Variants in ANKH observed in about 807,000 individuals in gnomAD.
The protein encoded by ANKH is ANKH inorganic pyrophosphate transport regulator.
ANKH carries 15 observed loss-of-function variants against 49.0 expected under a neutral mutation model. The ratio of observed to expected loss-of-function variants is 0.31; its 90% CI spans 0.20 to 0.47. The LOEUF (loss-of-function observed/expected upper bound fraction) is 0.47, where lower values mean the gene tolerates loss of function less well. Ranked by LOEUF, ANKH falls within the 20% of genes least tolerant of loss-of-function variation. The pLI is 1.00. For synonymous variants in ANKH, 273 were observed against 260.0 expected (o/e 1.05, Z -0.48); for missense variants, 429 against 652.0 (o/e 0.66, Z 3.72).
At chr5:14,864,582 A>G (rs1217162910) in intron 1 of ANKH, among the ~76,000 whole-genome samples, 1 of 152,202 alleles carries the variant, frequency 6.6e-6, no homozygotes, top group African/African-American at 2.4e-5. Flanking sequence ...CTCATTTTCT[A>G]TGTATGAATT....
At chr5:14,870,941 G>A (rs994959150) in intron 1 of ANKH, 71 of 358,952 alleles carry the variant, frequency 2.0e-4, no homozygotes, top group Non-Finnish European at 3.2e-4. Flanking sequence ...AAATCAACTT[G>A]GACGCATTAT....
chr5:14,751,945 CAAAG>C (rs1335054637), intron 4 of ANKH, among the ~76,000 whole-genome samples: 1 of 151,832 alleles, frequency 6.6e-6, no homozygotes, highest in Admixed American at 6.6e-5. Context: ...CTACATTTAA[CAAAG>C]AAAAAAACAG....
intron 1 of ANKH, among the ~76,000 whole-genome samples, chr5:14,832,090 C>T (rs192981256): frequency 9.1e-4 from 139 of 152,200 alleles, no homozygotes; most frequent in Admixed American, 2.6e-3. Context: ...TCCTGGCAGC[C>T]CCCTTCTAAG....
In ANKH at chr5:14,709,974, C is replaced by A. The variant is rs1162027915; in HGVS notation, c.*1223G>T. On this transcript the variant is annotated 3_prime_UTR_variant, in exon 12 of 12. Coordinates refer to ENST00000284268, the MANE Select transcript of ANKH (RefSeq NM_054027.6). Reference sequence around the variant, plus strand: ...ATTCTGACTAAATCAATTTAGTGAACCGTGTCTATAATTTTTTTAAAGGAA... The same window carrying A: ...ATTCTGACTAAATCAATTTAGTGAAACGTGTCTATAATTTTTTTAAAGGAA... The A allele has an allele frequency of 6.6e-6, 1 of 152,072 alleles. No homozygotes were observed. The highest frequency in any genetic ancestry group is 1.9e-4 in the East Asian group (1 of 5,188). The allele number at this position is 152,072 out of a possible 1,614,324, so 9.4% of individuals were successfully genotyped here. A position where few individuals can be genotyped will look rare whatever the true frequency, so the allele number is the denominator to read the frequency against.
chr5:14,860,604 G>C (rs1194679832), intron 1 of ANKH, among the ~76,000 whole-genome samples: 1 of 152,050 alleles, frequency 6.6e-6, no homozygotes, highest in Non-Finnish European at 1.5e-5. Context: ...TCGATCTCCA[G>C]GTGGTTCACG....
chr5:14,761,855 T>C lies in ANKH; in HGVS notation c.314-3257A>G, dbSNP rs570032257. Among the ~76,000 whole-genome samples, 3 of 151,002 alleles carry C rather than the reference T, an allele frequency of 2.0e-5. No individual in the cohort carries two copies. In the East Asian group the frequency reaches 5.9e-4, roughly 30 times the overall value. Reference sequence around the variant, plus strand: ...ATCTCAGCTCACTGCAACCTCCACCTCCTGGGTTCAAGCAATTCTCCTGTC... The same window carrying C: ...ATCTCAGCTCACTGCAACCTCCACCCCCTGGGTTCAAGCAATTCTCCTGTC... On this transcript the variant is annotated intron_variant, in intron 2 of 11. Transcript: ENST00000284268.
chr5:14,817,410 C>A (rs1741072427), intron 1 of ANKH, among the ~76,000 whole-genome samples: 1 of 152,076 alleles, frequency 6.6e-6, no homozygotes, highest in African/African-American at 2.4e-5. Context: ...AAACAAAAAT[C>A]CTGGTGAATT....
rs149220404 is a variant in ANKH at position 14,792,673 on chromosome 5, G to A, written c.97-23482C>T. On this transcript the variant is annotated intron_variant, in intron 1 of 11. Coordinates refer to ENST00000284268, the MANE Select transcript of ANKH (RefSeq NM_054027.6). ...ACTGACTACTCATCCTTGAAGTTAC[G>A]TGAAATAAAAATAAAACAGGGCTGG... 2.9e-3 allele frequency among the ~76,000 whole-genome samples: 442 copies of A among 151,904 alleles called. 2 individuals are homozygous for A. The highest frequency in any genetic ancestry group is 0.014 in the Middle Eastern group (4 of 294).
At chr5:14,721,157 G>A (rs969064656) in intron 8 of ANKH, among the ~76,000 whole-genome samples, 8 of 152,192 alleles carry the variant, frequency 5.3e-5, no homozygotes, top group Non-Finnish European at 8.8e-5. Flanking sequence ...ACACAACCAC[G>A]AAGTTAAGTA....
At chr5:14,798,449 GGCAGGGAGGCT>G in intron 1 of ANKH, 1 of 1,475,554 alleles carries the variant, frequency 6.8e-7, no homozygotes, top group Non-Finnish European at 9.2e-7. Context: ...TTGTGGGAGG[GGCAGGGAGGCT>G]GCAGGCGTTC....
intron 1 of ANKH, among the ~76,000 whole-genome samples, chr5:14,831,235 C>T (rs1335907565): frequency 6.6e-6 from 1 of 152,096 alleles, no homozygotes; most frequent in African/African-American, 2.4e-5. Flanking sequence ...CGGAATCGGA[C>T]AGCCAGCCAA....
intron 1 of ANKH, among the ~76,000 whole-genome samples, chr5:14,854,233 A>G (rs1742196067): frequency 1.3e-5 from 2 of 152,174 alleles, no homozygotes; most frequent in South Asian, 2.1e-4. Context: ...CTGAAGAGAG[A>G]GATCCAACAC....
chr5:14,739,735 C>A (rs759883553), intron 8 of ANKH, among the ~76,000 whole-genome samples: 28 of 152,234 alleles, frequency 1.8e-4, no homozygotes, highest in Non-Finnish European at 4.0e-4. Context: ...GGTTCTATTA[C>A]TGGATACTTG....
At position 14,711,204 on chromosome 5, in the gene ANKH, T is replaced by A; in HGVS notation, c.1472A>T (p.Asn491Ile). 6.2e-7 allele frequency: 1 copy of A among 1,613,864 alleles called. No individual in the cohort carries two copies. Among genetic ancestry groups the A allele is most frequent in the South Asian group, 1.1e-5 (1 of 91,072 alleles). ...CCCATGGCGTCCCGTGCCTTATTCA[T>A]TCTCCTCTCTCATTTCCACGATGTC... ...VTDIVEMREE[N>I]E The change falls in exon 12 of 12, where the codon AAT (asparagine) becomes ATT (isoleucine). Residue 491 changes from asparagine to isoleucine, a missense_variant. Around this residue, in one of 2 missense-constraint regions of ANKH, gnomAD observed 51 missense variants for 36.7 expected, o/e 1.39. Coordinates refer to ENST00000284268, the MANE Select transcript of ANKH (RefSeq NM_054027.6).
At chr5:14,828,733 T>C (rs889664124) in intron 1 of ANKH, among the ~76,000 whole-genome samples, 1 of 152,114 alleles carries the variant, frequency 6.6e-6, no homozygotes, top group Non-Finnish European at 1.5e-5. Context: ...AGACATACAA[T>C]TGGAAAATAT....
rs139349770 is a variant in ANKH at position 14,815,023 on chromosome 5, T to C, written c.97-45832A>G. Among the ~76,000 whole-genome samples, 600 of 152,292 alleles carry C rather than the reference T, an allele frequency of 3.9e-3. 4 individuals carry two copies. The highest frequency in any genetic ancestry group is 0.013 in the African/African-American group (545 of 41,558). On this transcript the variant is annotated intron_variant, in intron 1 of 11. Transcript: ENST00000284268. Reference sequence around the variant, plus strand: ...GTCTGAGGAATCCTGAGCCTTGAAGTTGGTTCTCACCCACCAGCATTGTGT... The same window carrying C: ...GTCTGAGGAATCCTGAGCCTTGAAGCTGGTTCTCACCCACCAGCATTGTGT...
At chr5:14,850,523 C>G (rs1742093239) in intron 1 of ANKH, among the ~76,000 whole-genome samples, 1 of 152,220 alleles carries the variant, frequency 6.6e-6, no homozygotes, top group Non-Finnish European at 1.5e-5. Flanking sequence ...AGTCTGGAAG[C>G]CAGAAGCCAG....
In ANKH at chr5:14,748,707, C is replaced by T. The variant is rs528077663; in HGVS notation, c.822+465G>A. On this transcript the variant is annotated intron_variant, in intron 6 of 11. Coordinates refer to ENST00000284268, the MANE Select transcript of ANKH (RefSeq NM_054027.6). ...TGGTGAAGGGCAGGTGAGGGCAGGC[C>T]GGGTCAACACGGAGGCAGCGCCCCT... Among the ~76,000 whole-genome samples the T allele has an allele frequency of 1.7e-4, 26 of 152,308 alleles. No homozygotes were observed. The East Asian group carries it at 4.0e-3, about 24-fold the overall frequency.
At chr5:14,856,062 T>C (rs887617463) in intron 1 of ANKH, among the ~76,000 whole-genome samples, 1 of 151,828 alleles carries the variant, frequency 6.6e-6, no homozygotes, top group Admixed American at 6.6e-5. Context: ...AAGCCTGTAA[T>C]CCCAGCACTT....
Sources: allele counts gnomAD v4.1 joint callset (sites outside exome capture counted in the v4.1 genomes callset), GRCh38; gene constraint gnomAD v4.1.1; regional missense constraint gnomAD v4.1.1; transcripts MANE v1.5; gene names NCBI Gene and HGNC (gene_info 2026-07-23, HGNC 2026-07-21).